Variants in JAM3 observed in about 807,000 individuals in gnomAD.
JAM3 encodes the protein junctional adhesion molecule 3, also known as junctional adhesion molecule C.
JAM3 carries 31 observed loss-of-function variants against 39.4 expected under a neutral mutation model. The observed-to-expected ratio is 0.79, with a 90% confidence interval of 0.59 to 1.06. The LOEUF is 1.06. Among genes scored for constraint, JAM3 ranks in the 50% least tolerant of loss-of-function variants. The pLI, the probability that JAM3 is intolerant of heterozygous loss-of-function variation, is 0.00. For missense variants in JAM3, 455 were observed against 391.4 expected, an observed-to-expected ratio of 1.16 and a Z score of -1.37; for synonymous variants, 182 against 148.7, an observed-to-expected ratio of 1.22 and a Z score of -1.63.
intron 1 of JAM3, among the ~76,000 whole-genome samples, chr11:134,111,391 C>T (rs1295740444): frequency 2.0e-5 from 3 of 152,002 alleles, no homozygotes; most frequent in Non-Finnish European, 2.9e-5. Context: ...TTCCGCCCAC[C>T]TCGGCCTCCC....
chr11:134,070,789 A>G (rs1941473103), intron 1 of JAM3, among the ~76,000 whole-genome samples: 2 of 152,236 alleles, frequency 1.3e-5, no homozygotes, highest in South Asian at 4.1e-4. Flanking sequence ...AAAACTAGAA[A>G]ATGCAAAGAG....
chr11:134,071,956 A>G (rs1315314570), intron 1 of JAM3, among the ~76,000 whole-genome samples: 1 of 152,202 alleles, frequency 6.6e-6, no homozygotes, highest in East Asian at 1.9e-4. Context: ...CTGAATGGAT[A>G]AGTACTAGAG....
intron 1 of JAM3, among the ~76,000 whole-genome samples, chr11:134,132,797 G>C (rs1055844478): frequency 6.6e-6 from 1 of 152,166 alleles, no homozygotes; most frequent in Non-Finnish European, 1.5e-5. Flanking sequence ...GTCTGGGGGG[G>C]CCTGCTAAGA....
rs562879399 is a variant in JAM3, at chr11:134,121,860, CCAAA to C, written c.77-17986_77-17983del. Reference sequence around the variant, plus strand: ...ACACACACACACACACACCCTCCTCCCAAACAAAATTCAGAGTGTGTCAAAGGGA... The same window carrying C: ...ACACACACACACACACACCCTCCTCCCAAAATTCAGAGTGTGTCAAAGGGA... On this transcript the variant is annotated intron_variant, in intron 1 of 8. Coordinates refer to ENST00000299106, the MANE Select transcript of JAM3 (RefSeq NM_032801.5). Among the ~76,000 whole-genome samples the C allele has an allele frequency of 6.5e-3, 993 of 151,914 alleles. 6 individuals carry two copies. Among genetic ancestry groups the C allele is most frequent in the Admixed American group, 0.012 (177 of 15,262 alleles).
At position 134,095,888 on chromosome 11, in the gene JAM3, G is replaced by A. The variant is rs143644484; in HGVS notation, c.76+26729G>A. On this transcript the variant is annotated intron_variant, in intron 1 of 8. Transcript: ENST00000299106. ...CAGGTTTCTAAATGTTTTTGTCCTT[G>A]ACTTGCAAACACTCAGTGGACACAT... Among the ~76,000 whole-genome samples, 499 of 152,250 alleles carry A rather than the reference G, an allele frequency of 3.3e-3. 4 individuals are homozygous for A. Among genetic ancestry groups the A allele is most frequent in the Non-Finnish European group, 3.6e-3 (243 of 68,034 alleles).
Position 134,140,040 on chromosome 11 carries a change from C to G in JAM3, c.142+124C>G, listed in dbSNP as rs1591805654. 5 of 781,070 alleles carry G rather than the reference C, an allele frequency of 6.4e-6. No homozygotes were observed. In the East Asian group the frequency reaches 7.9e-5, roughly 12 times the overall value. 48.4% of individuals were successfully genotyped at this position (781,070 alleles called of 1,614,324 possible). A position where few individuals can be genotyped will look rare whatever the true frequency, so the allele number is the denominator to read the frequency against. ...AGGGAGATGTTCCGGGTGGACTGCTCTGCGGTGCACAGGCCTGGAAGCATG... is the reference window on the plus strand; with the variant it reads ...AGGGAGATGTTCCGGGTGGACTGCTGTGCGGTGCACAGGCCTGGAAGCATG... On this transcript the variant is annotated intron_variant, in intron 2 of 8. Coordinates refer to ENST00000299106, the MANE Select transcript of JAM3 (RefSeq NM_032801.5).
intron 1 of JAM3, among the ~76,000 whole-genome samples, chr11:134,072,238 AAAAG>A (rs1941494528): frequency 1.3e-5 from 2 of 152,206 alleles, no homozygotes; most frequent in African/African-American, 4.8e-5. Flanking sequence ...CAAATGTAGT[AAAAG>A]AAAGGAAAAT....
chr11:134,083,527 C>T (rs1395979604), intron 1 of JAM3, among the ~76,000 whole-genome samples: 5 of 152,130 alleles, frequency 3.3e-5, no homozygotes, highest in Admixed American at 3.3e-4. Flanking sequence ...TTGTTTTGCT[C>T]TCTCCTGAAC....
intron 1 of JAM3, among the ~76,000 whole-genome samples, chr11:134,094,363 C>A (rs540108190): frequency 7.0e-6 from 1 of 143,540 alleles, no homozygotes; most frequent in South Asian, 2.2e-4. Flanking sequence ...CATGTCACTT[C>A]CTGAGGGAAG....
intron 1 of JAM3, 124 bp downstream of exon 1, chr11:134,069,283 T>A: frequency 7.4e-7 from 1 of 1,344,866 alleles, no homozygotes; most frequent in Non-Finnish European, 1.0e-6. Context: ...GCTCCCGGGG[T>A]CCCGGGCCGG....
intron 1 of JAM3, among the ~76,000 whole-genome samples, chr11:134,103,844 A>G (rs912691745): frequency 6.6e-6 from 1 of 152,192 alleles, no homozygotes; most frequent in African/African-American, 2.4e-5. Flanking sequence ...ATACAGGAGC[A>G]CCCAGATTCA....
rs1942963575 is a variant in JAM3, at chr11:134,140,913, A to G, written c.256+143A>G. 4 of 1,122,042 alleles carry G rather than the reference A, an allele frequency of 3.6e-6. No individual in the cohort carries two copies. In the African/African-American group the frequency reaches 4.8e-5, roughly 14 times the overall value. The allele number at this position is 1,122,042 out of a possible 1,614,324, so 69.5% of individuals were successfully genotyped here. On this transcript the variant is annotated intron_variant, in intron 3 of 8. Transcript: ENST00000299106. Reference sequence around the variant, plus strand: ...TTTTTTTTTTTAAAGATTTATAATTATGGAAAATTTCAAATATATGCAAAA... The same window carrying G: ...TTTTTTTTTTTAAAGATTTATAATTGTGGAAAATTTCAAATATATGCAAAA...
chr11:134,117,140 T>C (rs900063769), intron 1 of JAM3, among the ~76,000 whole-genome samples: 1 of 151,710 alleles, frequency 6.6e-6, no homozygotes, highest in African/African-American at 2.4e-5. Flanking sequence ...GGTGGGTGGA[T>C]CATCTGAGGT....
intron 3 of JAM3, among the ~76,000 whole-genome samples, chr11:134,143,684 C>A (rs1381955881): frequency 1.3e-5 from 2 of 152,164 alleles, no homozygotes; most frequent in Non-Finnish European, 2.9e-5. Flanking sequence ...TTGATGAAGT[C>A]CGGTGTAACT....
intron 1 of JAM3, among the ~76,000 whole-genome samples, chr11:134,094,556 TCTC>T (rs1941940176): frequency 6.6e-6 from 1 of 150,502 alleles, no homozygotes; most frequent in Admixed American, 6.6e-5. Context: ...GAGGGAAGCT[TCTC>T]CTGAGCCCTC....
chr11:134,129,600 C>T (rs758523917), intron 1 of JAM3, among the ~76,000 whole-genome samples: 15 of 152,182 alleles, frequency 9.9e-5, no homozygotes, highest in Non-Finnish European at 1.6e-4. Context: ...AATGGTCCCT[C>T]TTCTAAAATG....
rs763793865 is a variant in JAM3 at position 134,150,305 on chromosome 11, TC to T, written c.*1126del. 1 of 152,356 alleles carries T rather than the reference TC, an allele frequency of 6.6e-6. No homozygotes were observed. The highest frequency in any genetic ancestry group is 1.5e-5 in the Non-Finnish European group (1 of 68,130). 9.4% of individuals were successfully genotyped at this position (152,356 alleles called of 1,614,324 possible). Reference sequence around the variant, plus strand: ...CTCAGGTTAGCTTTGAACTGCCTCTTCCTGAGATGACTAGGACAGTCTGTAC... The same window carrying T: ...CTCAGGTTAGCTTTGAACTGCCTCTTCTGAGATGACTAGGACAGTCTGTAC... On this transcript the variant is annotated 3_prime_UTR_variant, in exon 9 of 9. Coordinates refer to ENST00000299106, the MANE Select transcript of JAM3 (RefSeq NM_032801.5).
At chr11:134,124,873 T>C (rs1377728746) in intron 1 of JAM3, among the ~76,000 whole-genome samples, 5 of 152,218 alleles carry the variant, frequency 3.3e-5, no homozygotes, top group Non-Finnish European at 1.5e-5. Flanking sequence ...TCGCCGTAAA[T>C]GTGCAACGTA....
At chr11:134,123,379 C>T (rs1942574592) in intron 1 of JAM3, among the ~76,000 whole-genome samples, 1 of 151,622 alleles carries the variant, frequency 6.6e-6, no homozygotes, top group Non-Finnish European at 1.5e-5. Flanking sequence ...ACACCACCAC[C>T]CCCCCCCCCC....
Sources: allele counts gnomAD v4.1 joint callset (sites outside exome capture counted in the v4.1 genomes callset), GRCh38; gene constraint gnomAD v4.1.1; transcripts MANE v1.5; gene names NCBI Gene and HGNC (gene_info 2026-07-23, HGNC 2026-07-21).